The following ATRNL1 variants were observed in gnomAD, a reference collection of about 807,000 sequenced individuals.
ATRNL1 encodes the protein attractin like 1.
ATRNL1 carries 95 observed loss-of-function variants against 182.7 expected under a neutral mutation model. That is an observed-to-expected ratio of 0.52 (90% CI 0.44 to 0.62). ATRNL1 has a LOEUF of 0.62. Among genes scored for constraint, ATRNL1 ranks in the 20% least tolerant of loss-of-function variants. ATRNL1 has a pLI of 0.00. For missense variants in ATRNL1, 1,471 were observed against 1,679.5 expected, an observed-to-expected ratio of 0.88 and a Z score of 2.17; for synonymous variants, 576 against 568.3, an observed-to-expected ratio of 1.01 and a Z score of -0.19.
At chr10:115,723,427 G>A (rs948790636) in intron 26 of ATRNL1, among the ~76,000 whole-genome samples, 10 of 152,236 alleles carry the variant, frequency 6.6e-5, no homozygotes, top group South Asian at 2.1e-4. Flanking sequence ...GAATGATACC[G>A]TATTTGAAGT....
intron 28 of ATRNL1, among the ~76,000 whole-genome samples, chr10:115,863,801 A>G (rs1951371793): frequency 2.0e-5 from 3 of 152,228 alleles, no homozygotes; most frequent in Admixed American, 2.0e-4. Context: ...ACTTTTGGGT[A>G]TATGGTTGAT....
intron 26 of ATRNL1, among the ~76,000 whole-genome samples, chr10:115,640,105 G>T (rs1859143737): frequency 6.6e-6 from 1 of 152,110 alleles, no homozygotes; most frequent in Non-Finnish European, 1.5e-5. Context: ...CCAAGGACAT[G>T]AACTCATTCA....
intron 25 of ATRNL1, among the ~76,000 whole-genome samples, chr10:115,544,010 A>G (rs1852506986): frequency 6.6e-6 from 1 of 151,692 alleles, no homozygotes; most frequent in Admixed American, 6.6e-5. Context: ...TTTTTTTTTG[A>G]AAAAGAAAGC....
At chr10:115,803,307 GT>G (rs149778010) in intron 27 of ATRNL1, among the ~76,000 whole-genome samples, 3,896 of 152,054 alleles carry the variant, frequency 0.026, 141 homozygotes, top group African/African-American at 0.077. Context: ...TTTTTAAGTG[GT>G]TTTTTTCCTG....
chr10:115,264,036 A>T (rs1592346368), intron 10 of ATRNL1, among the ~76,000 whole-genome samples: 1 of 151,548 alleles, frequency 6.6e-6, no homozygotes, highest in African/African-American at 2.4e-5. Flanking sequence ...TTTAGCATAT[A>T]CAGGTCAACA....
intron 16 of ATRNL1, among the ~76,000 whole-genome samples, chr10:115,301,118 A>G (rs1358385644): frequency 2.0e-5 from 3 of 152,172 alleles, no homozygotes; most frequent in Non-Finnish European, 2.9e-5. Context: ...TGTAAATACT[A>G]CATTTTGTTC....
At chr10:115,937,582 C>A (rs76136309) in intron 28 of ATRNL1, among the ~76,000 whole-genome samples, 1,853 of 152,194 alleles carry the variant, frequency 0.012, 41 homozygotes, top group African/African-American at 0.042. Flanking sequence ...GTGGCCACAC[C>A]GAATGTTAAA....
intron 8 of ATRNL1, among the ~76,000 whole-genome samples, chr10:115,182,179 C>T (rs1755229957): frequency 6.6e-6 from 1 of 151,526 alleles, no homozygotes; most frequent in African/African-American, 2.4e-5. Flanking sequence ...TTTTGACTGA[C>T]ACTTTTTTCT....
intron 26 of ATRNL1, among the ~76,000 whole-genome samples, chr10:115,630,422 C>T (rs1858408389): frequency 6.6e-6 from 1 of 151,826 alleles, no homozygotes; most frequent in Admixed American, 6.6e-5. Flanking sequence ...AGAGTGTCAA[C>T]AGGTACAGCT....
chr10:115,420,991 A>T (rs973051183), intron 20 of ATRNL1, among the ~76,000 whole-genome samples: 55 of 152,162 alleles, frequency 3.6e-4, no homozygotes, highest in African/African-American at 1.3e-3. Context: ...CCAAGATTGG[A>T]TCATGAAGAA....
intron 28 of ATRNL1, among the ~76,000 whole-genome samples, chr10:115,934,974 C>T (rs1370273293): frequency 6.6e-6 from 1 of 152,218 alleles, no homozygotes; most frequent in Non-Finnish European, 1.5e-5. Flanking sequence ...GAACACACCA[C>T]ACCCCTCCTG....
At chr10:115,404,648 CA>C (rs1255153887) in intron 20 of ATRNL1, among the ~76,000 whole-genome samples, 3 of 152,182 alleles carry the variant, frequency 2.0e-5, no homozygotes, top group African/African-American at 7.2e-5. Context: ...ATTCCCTTAG[CA>C]TCTAGCTTGA....
intron 26 of ATRNL1, among the ~76,000 whole-genome samples, chr10:115,600,461 T>G (rs527382502): frequency 6.6e-6 from 1 of 152,298 alleles, no homozygotes; most frequent in East Asian, 1.9e-4. Context: ...TTTACTCTAG[T>G]ACCTCATAGT....
At position 115,895,962 on chromosome 10, in the gene ATRNL1, T is replaced by C. The variant is rs547364136; in HGVS notation, c.4018+47971T>C. 9.8e-5 allele frequency among the ~76,000 whole-genome samples: 15 copies of C among 152,324 alleles called. No individual in the cohort carries two copies. The South Asian group carries it at 3.1e-3, about 32-fold the overall frequency. ...TGGCTTTGTGTTTACTAATTCGATCTACCAGGTGGATGAGGTTGCCATAAT... is the reference window on the plus strand; with the variant it reads ...TGGCTTTGTGTTTACTAATTCGATCCACCAGGTGGATGAGGTTGCCATAAT... On this transcript the variant is annotated intron_variant, in intron 28 of 28. Coordinates refer to ENST00000355044, the MANE Select transcript of ATRNL1 (RefSeq NM_207303.4).
At chr10:115,489,596 C>T (rs188921789) in intron 24 of ATRNL1, among the ~76,000 whole-genome samples, 1 of 152,184 alleles carries the variant, frequency 6.6e-6, no homozygotes, top group Admixed American at 6.5e-5. Context: ...TTTTTCCATC[C>T]CTTTATTTTG....
At chr10:115,526,694 C>T (rs910742942) in intron 25 of ATRNL1, among the ~76,000 whole-genome samples, 4 of 152,208 alleles carry the variant, frequency 2.6e-5, no homozygotes, top group Non-Finnish European at 5.9e-5. Context: ...GACCATAAGT[C>T]CTCTGAGACA....
intron 19 of ATRNL1, among the ~76,000 whole-genome samples, chr10:115,382,395 G>T (rs1354553197): frequency 6.6e-6 from 1 of 151,280 alleles, no homozygotes; most frequent in Non-Finnish European, 1.5e-5. Context: ...AGTACATCTT[G>T]TACTTCTTTT....
intron 10 of ATRNL1, among the ~76,000 whole-genome samples, chr10:115,242,935 T>C (rs1234043960): frequency 2.0e-5 from 3 of 152,068 alleles, no homozygotes; most frequent in African/African-American, 7.2e-5. Context: ...GTAAAATGGG[T>C]TGAATGAAGT....
chr10:115,293,010 A>G (rs1399128371), intron 15 of ATRNL1, among the ~76,000 whole-genome samples: 1 of 152,040 alleles, frequency 6.6e-6, no homozygotes, highest in African/African-American at 2.4e-5. Flanking sequence ...ATCTAATAAT[A>G]TTTTCCTTAT....
Sources: allele counts gnomAD v4.1 joint callset (sites outside exome capture counted in the v4.1 genomes callset), GRCh38; gene constraint gnomAD v4.1.1; transcripts MANE v1.5; gene names NCBI Gene and HGNC (gene_info 2026-07-23, HGNC 2026-07-21).